STYXL2: variants seen among roughly 807,000 people sequenced by gnomAD.
STYXL2 encodes serine/threonine/tyrosine interacting like 2, also known as serine/threonine/tyrosine-interacting-like protein 2.
A neutral mutation model predicts 52.4 loss-of-function variants in STYXL2; 44 were observed. The ratio of observed to expected loss-of-function variants is 0.84; its 90% CI spans 0.66 to 1.08. The LOEUF is 1.08. Ranked by LOEUF, STYXL2 falls within the 50% of genes least tolerant of loss-of-function variation. STYXL2 has a pLI of 0.00. For missense variants in STYXL2, 1,604 were observed against 1,471.7 expected, an observed-to-expected ratio of 1.09 and a Z score of -1.47; for synonymous variants, 604 against 586.9, an observed-to-expected ratio of 1.03 and a Z score of -0.42.
At chr1:167,112,860 A>G (rs1283536226) in intron 2 of STYXL2, among the ~76,000 whole-genome samples, 2 of 152,154 alleles carry the variant, frequency 1.3e-5, no homozygotes, top group African/African-American at 4.8e-5. Context: ...CCCTCTATGG[A>G]CCTATAGGAA....
chr1:167,117,763 G>A (rs1489011885), intron 4 of STYXL2, among the ~76,000 whole-genome samples: 1 of 152,168 alleles, frequency 6.6e-6, no homozygotes, highest in Non-Finnish European at 1.5e-5. Context: ...ATGCCGCCAT[G>A]ACTGCTTATC....
At chr1:167,119,931 G>A (rs139644519) in intron 5 of STYXL2, among the ~76,000 whole-genome samples, 241 of 152,316 alleles carry the variant, frequency 1.6e-3, no homozygotes, top group South Asian at 4.6e-3. Context: ...TCCTGCAGAA[G>A]AGAACTAGTA....
At position 167,127,367 on chromosome 1, in the gene STYXL2, T is replaced by C; in HGVS notation, c.2236T>C (p.Ser746Pro). 1 of 1,614,178 alleles carries C rather than the reference T, an allele frequency of 6.2e-7. No individual in the cohort carries two copies. The highest frequency in any genetic ancestry group is 8.5e-7 in the Non-Finnish European group (1 of 1,180,034). Residue 746 changes from serine to proline, a missense_variant, in exon 6 of 6, where the codon TCC becomes CCC. Ser to Pro is a moderately conservative substitution (Grantham distance 74). Coordinates refer to ENST00000361200, the MANE Select transcript of STYXL2 (RefSeq NM_001080426.3). ...AQKQNEMLLL[S>P]RSPSVASMKA... ...GAAGCAAAATGAAATGCTGCTGTTG[T>C]CCCGCTCACCGTCTGTTGCAAGCAT...
rs140692288 is a variant in STYXL2, at chr1:167,126,327, G to T, written c.1196G>T (p.Arg399Leu). The change falls in exon 6 of 6, where the codon CGA becomes CTA. Residue 399 changes from arginine to leucine, a missense_variant. Transcript: ENST00000361200. ...AGGATCATCCAGGAGTGGCAGAGCC[G>T]AAACGAGAGGTACCAAGCAGAAGGG... ...VERIIQEWQS[R>L]NERYQAEGYR... The T allele has an allele frequency of 7.9e-6, 12 of 1,519,936 alleles. No individual in the cohort carries two copies. The Admixed American group carries it at 8.5e-5, about 11-fold the overall frequency. The allele number at this position is 1,519,936 out of a possible 1,614,324, so 94.2% of individuals were successfully genotyped here. A position where few individuals can be genotyped will look rare whatever the true frequency, so the allele number is the denominator to read the frequency against.
rs550341544 is a variant in STYXL2, at chr1:167,109,793, G to C, written c.111-3917G>C. Among the ~76,000 whole-genome samples, 8 of 152,280 alleles carry C rather than the reference G, an allele frequency of 5.3e-5. No individual in the cohort carries two copies. In the South Asian group the frequency reaches 1.0e-3, roughly 20 times the overall value. ...CAAGCCATTACAACAACTCATAAAA[G>C]AACAATGCTGCTCTAAGAAAGGAGA... On this transcript the variant is annotated intron_variant, in intron 2 of 5. Coordinates refer to ENST00000361200, the MANE Select transcript of STYXL2 (RefSeq NM_001080426.3).
chr1:167,126,136 C>T lies in STYXL2; in HGVS notation c.1005C>T (p.Ala335=). 2.0e-6 allele frequency: 3 copies of T among 1,510,522 alleles called. No homozygotes were observed. Among genetic ancestry groups the T allele is most frequent in the South Asian group, 1.4e-5 (1 of 73,802 alleles). The allele number at this position is 1,510,522 out of a possible 1,614,324, so 93.6% of individuals were successfully genotyped here. A position where few individuals can be genotyped will look rare whatever the true frequency, so the allele number is the denominator to read the frequency against. The change falls in exon 6 of 6, where the codon GCC becomes GCT. Residue 335 remains alanine (A), a synonymous_variant. Coordinates refer to ENST00000361200, the MANE Select transcript of STYXL2 (RefSeq NM_001080426.3). The part of the protein sequence containing the change: ...SGSSLGKATQ[A]SKPLTLIDEE... ...CCTCCCTGGGGAAGGCCACCCAGGC[C>T]TCCAAGCCCCTCACCCTCATAGACG...
intron 2 of STYXL2, among the ~76,000 whole-genome samples, chr1:167,097,264 C>T (rs1405464175): frequency 6.6e-6 from 1 of 152,172 alleles, no homozygotes; most frequent in Non-Finnish European, 1.5e-5. Flanking sequence ...GGCTCTGGGA[C>T]TGTTTTAAGG....
At chr1:167,119,495 TG>T (rs1351705208) in intron 5 of STYXL2, 29 bp downstream of exon 5, 4 of 1,598,358 alleles carry the variant, frequency 2.5e-6, no homozygotes, top group Non-Finnish European at 3.4e-6. Flanking sequence ...TCCAGGCTGC[TG>T]GAATTCCACG....
intron 2 of STYXL2, among the ~76,000 whole-genome samples, chr1:167,103,408 C>G (rs1422566968): frequency 2.6e-5 from 4 of 152,114 alleles, no homozygotes; most frequent in Non-Finnish European, 5.9e-5. Flanking sequence ...AAAACTTCAC[C>G]CAGTGATCCA....
At chr1:167,124,134 C>T (rs1284321181) in intron 5 of STYXL2, among the ~76,000 whole-genome samples, 3 of 151,604 alleles carry the variant, frequency 2.0e-5, no homozygotes, top group African/African-American at 7.3e-5. Context: ...CGGTCTCAAA[C>T]TCCTGGCCTC....
chr1:167,100,225 G>A (rs1385837588), intron 2 of STYXL2, among the ~76,000 whole-genome samples: 1 of 152,206 alleles, frequency 6.6e-6, no homozygotes, highest in African/African-American at 2.4e-5. Context: ...TCCCCCAAGA[G>A]CAAGAACTCA....
In STYXL2 at chr1:167,128,927, G is replaced by T; in HGVS notation, c.*319G>T. On this transcript the variant is annotated 3_prime_UTR_variant, in exon 6 of 6. Coordinates refer to ENST00000361200, the MANE Select transcript of STYXL2 (RefSeq NM_001080426.3). ...CATCACAGGCTAGAGAGGTGAGCTTGGAAAAGCACTGTAGTTTGTCAGAGA... is the reference window on the plus strand; with the variant it reads ...CATCACAGGCTAGAGAGGTGAGCTTTGAAAAGCACTGTAGTTTGTCAGAGA... The T allele has an allele frequency of 3.7e-6, 1 of 267,176 alleles. No individual in the cohort carries two copies. The highest frequency in any genetic ancestry group is 8.8e-5 in the East Asian group (1 of 11,372). The allele number at this position is 267,176 out of a possible 1,614,324, so 16.6% of individuals were successfully genotyped here. A position where few individuals can be genotyped will look rare whatever the true frequency, so the allele number is the denominator to read the frequency against.
chr1:167,127,188 C>G lies in STYXL2; in HGVS notation c.2057C>G (p.Ser686Cys). The change falls in exon 6 of 6, where the codon TCC becomes TGC. Residue 686 changes from serine (S) to cysteine (C), a missense_variant. Physicochemically the swap from Ser to Cys is moderately radical, Grantham distance 112 (BLOSUM62 -1). Transcript: ENST00000361200. Reference sequence around the variant, plus strand: ...GTACTGAGCACCCAGAGCCACCGCTCCCACCTGTCTCAGGCTGCAAGCAAC... The same window carrying G: ...GTACTGAGCACCCAGAGCCACCGCTGCCACCTGTCTCAGGCTGCAAGCAAC... ...TSVLSTQSHR[S>C]HLSQAASNIA... 1 of 1,614,128 alleles carries G rather than the reference C, an allele frequency of 6.2e-7. No individual in the cohort carries two copies. Among genetic ancestry groups the G allele is most frequent in the East Asian group, 2.2e-5 (1 of 44,884 alleles).
At chr1:167,116,651 GT>G (rs57553225) in intron 3 of STYXL2, among the ~76,000 whole-genome samples, 451 of 113,730 alleles carry the variant, frequency 4.0e-3, no homozygotes, top group African/African-American at 0.01. Flanking sequence ...TTTTTTTTTG[GT>G]TTTTTTTTTT....
rs753039685 is a variant in STYXL2 at position 167,126,320 on chromosome 1, C to T, written c.1189C>T (p.Gln397Ter). ...CGTGGAGAGGATCATCCAGGAGTGG[C>T]AGAGCCGAAACGAGAGGTACCAAGC... ...EDVERIIQEW[Q>*]SRNERYQAEG... The change falls in exon 6 of 6, where the codon CAG (glutamine) becomes TAG (stop). Residue 397 changes from glutamine to a stop codon, truncating the protein, a stop_gained. Transcript: ENST00000361200. LOFTEE classifies it low-confidence loss of function (END_TRUNC). 2 of 1,520,516 alleles carry T rather than the reference C, an allele frequency of 1.3e-6. No homozygotes were observed. Among genetic ancestry groups the T allele is most frequent in the Admixed American group, 2.1e-5 (1 of 46,708 alleles). 94.2% of individuals were successfully genotyped at this position (1,520,516 alleles called of 1,614,324 possible). A position where few individuals can be genotyped will look rare whatever the true frequency, so the allele number is the denominator to read the frequency against.
chr1:167,101,158 G>A (rs112451556), intron 2 of STYXL2, among the ~76,000 whole-genome samples: 1,845 of 152,226 alleles, frequency 0.012, 37 homozygotes, highest in African/African-American at 0.042. Context: ...ATTAAAAAGC[G>A]GACAAATGAT....
intron 3 of STYXL2, 27 bp downstream of exon 3, chr1:167,113,831 G>A (rs115257553): frequency 0.023 from 36,552 of 1,570,058 alleles, 515 homozygotes; most frequent in Middle Eastern, 0.035. Context: ...CTGGGTGGAA[G>A]CAAAGTCCAG....
intron 2 of STYXL2, among the ~76,000 whole-genome samples, chr1:167,105,082 T>G (rs1667482375): frequency 6.6e-6 from 1 of 152,178 alleles, no homozygotes; most frequent in South Asian, 2.1e-4. Flanking sequence ...GCTATTCCCT[T>G]TCTTTCCCCT....
In STYXL2 at chr1:167,117,402, G is replaced by C; in HGVS notation, c.280G>C (p.Glu94Gln). Residue 94 changes from glutamate (E) to glutamine (Q), a missense_variant, in exon 4 of 6, where the codon GAG becomes CAG. By Grantham distance (29) the Glu-to-Gln change is conservative. Transcript: ENST00000361200. ...MLESAEQLLV[E>Q]DLYNRVREKM... is the part of the protein sequence containing the mutation. ...GGAGTCTGCTGAACAGCTGCTGGTG[G>C]AGGACCTGTACAACCGCGTCAGGGA... The C allele has an allele frequency of 6.2e-7, 1 of 1,612,868 alleles. No individual in the cohort carries two copies. Among genetic ancestry groups the C allele is most frequent in the Non-Finnish European group, 8.5e-7 (1 of 1,179,496 alleles).
Sources: allele counts gnomAD v4.1 joint callset (sites outside exome capture counted in the v4.1 genomes callset), GRCh38; gene constraint gnomAD v4.1.1; transcripts MANE v1.5; gene names NCBI Gene and HGNC (gene_info 2026-07-23, HGNC 2026-07-21).